The following PPEF2 variants were observed in gnomAD, a reference collection of about 807,000 sequenced individuals.
PPEF2 encodes the protein serine/threonine-protein phosphatase with EF-hands 2.
In PPEF2, 84 loss-of-function variants were observed where a neutral mutation model predicts 84.7. That is an observed-to-expected ratio of 0.99 (90% CI 0.83 to 1.19). PPEF2 has a LOEUF of 1.19. Ranked by LOEUF, PPEF2 falls within the 50% of genes most tolerant of loss-of-function variation. PPEF2 has a pLI of 0.00. For missense variants in PPEF2, 924 were observed against 937.5 expected (o/e 0.99, Z 0.19); for synonymous variants, 346 against 345.2 (o/e 1.00, Z -0.03).
At chr4:75,867,213 A>T in intron 14 of PPEF2, 100 bp downstream of exon 14, 1 of 797,746 alleles carries the variant, frequency 1.3e-6, no homozygotes, top group Non-Finnish European at 2.0e-6. Flanking sequence ...ACTTTGGGTC[A>T]CTCATTAAAG....
At chr4:75,893,157 C>T (rs1017745608) in intron 2 of PPEF2, among the ~76,000 whole-genome samples, 3 of 152,122 alleles carry the variant, frequency 2.0e-5, no homozygotes, top group African/African-American at 7.2e-5. Flanking sequence ...AAATAGTAAG[C>T]GATGAGGTTG....
intron 11 of PPEF2, among the ~76,000 whole-genome samples, chr4:75,875,956 G>A (rs770265216): frequency 1.3e-5 from 2 of 152,052 alleles, no homozygotes; most frequent in Non-Finnish European, 2.9e-5. Flanking sequence ...TAGCCCTTTT[G>A]GCCTTGAACT....
intron 15 of PPEF2, among the ~76,000 whole-genome samples, chr4:75,865,574 C>T (rs1000350173): frequency 3.3e-5 from 5 of 151,896 alleles, no homozygotes; most frequent in Non-Finnish European, 7.4e-5. Context: ...TTAGAAGAGA[C>T]GGGGTTTCAT....
intron 8 of PPEF2, 40 bp from the exon 9 acceptor site, chr4:75,883,242 G>A (rs754190746): frequency 1.9e-6 from 3 of 1,571,388 alleles, no homozygotes; most frequent in South Asian, 1.1e-5. Context: ...AGTAAACTGG[G>A]TGACAATAAT....
intron 16 of PPEF2, among the ~76,000 whole-genome samples, chr4:75,863,590 T>G (rs1407921344): frequency 6.6e-6 from 1 of 151,952 alleles, no homozygotes; most frequent in Non-Finnish European, 1.5e-5. Context: ...GTTGCATACT[T>G]CATACAGGTG....
At chr4:75,863,366 G>GA (rs1484852046) in intron 16 of PPEF2, among the ~76,000 whole-genome samples, 6 of 151,410 alleles carry the variant, frequency 4.0e-5, no homozygotes, top group Non-Finnish European at 8.8e-5. Context: ...CAGGTGTGGT[G>GA]GCACACGCCT....
intron 12 of PPEF2, 21 bp from the exon 13 acceptor site, chr4:75,872,188 G>A (rs764255505): frequency 2.5e-6 from 4 of 1,608,518 alleles, no homozygotes; most frequent in South Asian, 2.2e-5. Flanking sequence ...ACAGAAGAGA[G>A]ACAGGTGTTC....
intron 1 of PPEF2, among the ~76,000 whole-genome samples, chr4:75,897,680 C>T (rs939724984): frequency 6.6e-6 from 1 of 152,148 alleles, no homozygotes; most frequent in African/African-American, 2.4e-5. Flanking sequence ...GAGGCTGAGG[C>T]AGGAGAATGG....
chr4:75,879,172 C>G (rs182542250), intron 10 of PPEF2, among the ~76,000 whole-genome samples: 1 of 152,144 alleles, frequency 6.6e-6, no homozygotes. Context: ...ACTGGCACTG[C>G]TAGGGTCACC....
At position 75,876,446 on chromosome 4, in the gene PPEF2, G is replaced by A. The variant is rs1162250093; in HGVS notation, c.1161C>T (p.Ser387=). Residue 387 remains serine (S), a synonymous_variant, in exon 11 of 17, where the codon TCC becomes TCT. Transcript: ENST00000286719. Reference sequence around the variant, plus strand: ...GTTCCACGGAGCTCCGCACCTGCCGGGAGAGCTCCCGCCCGTCCAGGGAAC... The same window carrying A: ...GTTCCACGGAGCTCCGCACCTGCCGAGAGAGCTCCCGCCCGTCCAGGGAAC... ...CSGSLDGREL[S]RQVRSSVELE... 11 of 1,614,130 alleles carry A rather than the reference G, an allele frequency of 6.8e-6. No homozygotes were observed. Among genetic ancestry groups the A allele is most frequent in the Non-Finnish European group, 9.3e-6 (11 of 1,180,004 alleles).
At chr4:75,861,799 C>T (rs1304878274) in intron 16 of PPEF2, among the ~76,000 whole-genome samples, 1 of 140,254 alleles carries the variant, frequency 7.1e-6, no homozygotes, top group Non-Finnish European at 1.5e-5. Context: ...TTAGTAGAGA[C>T]GGGGTTTCAC....
At chr4:75,873,415 A>C (rs1724333666) in intron 11 of PPEF2, 103 bp from the exon 12 acceptor site, 6 of 1,090,580 alleles carry the variant, frequency 5.5e-6, no homozygotes, top group Non-Finnish European at 7.8e-6. Flanking sequence ...TTGAATAAAA[A>C]TAAGTGAATA....
At position 75,883,162 on chromosome 4, in the gene PPEF2, G is replaced by A. The variant is rs1037362559; in HGVS notation, c.783+4C>T. On this transcript the variant is annotated splice_donor_region_variant and intron_variant, in intron 9 of 16. Coordinates refer to ENST00000286719, the MANE Select transcript of PPEF2 (RefSeq NM_006239.3). Reference sequence around the variant, plus strand: ...AGAAACTTTTGTCTTTAAAGGCAGCGCACCTTGTATTTATTCATCACTTCC... The same window carrying A: ...AGAAACTTTTGTCTTTAAAGGCAGCACACCTTGTATTTATTCATCACTTCC... 38 of 1,613,512 alleles carry A rather than the reference G, an allele frequency of 2.4e-5. No homozygotes were observed. The highest frequency in any genetic ancestry group is 4.5e-5 in the East Asian group (2 of 44,874).
At position 75,877,387 on chromosome 4, in the gene PPEF2, A is replaced by AAAG. The variant is rs201500780; in HGVS notation, c.934-717_934-715dup. Among the ~76,000 whole-genome samples, 3 of 6,632 alleles carry AAAG rather than the reference A, an allele frequency of 4.5e-4. No individual in the cohort carries two copies. The Non-Finnish European group carries it at 0.38, about 829-fold the overall frequency. 4.4% of individuals were successfully genotyped at this position (6,632 alleles called of 152,430 possible). Reference sequence around the variant, plus strand: ...GAGAGAGAGAAAGAAAGAGAGAAAGAAAGAAGAGGAAGAAAAAGAAAGAAA... The same window carrying AAAG: ...GAGAGAGAGAAAGAAAGAGAGAAAGAAAGAAGAAGAGGAAGAAAAAGAAAGAAA... On this transcript the variant is annotated intron_variant, in intron 10 of 16. Transcript: ENST00000286719.
rs144838414 is a variant in PPEF2 at position 75,867,364 on chromosome 4, G to A, written c.1705C>T (p.His569Tyr). The A allele has an allele frequency of 5.6e-6, 9 of 1,613,912 alleles. No homozygotes were observed. The African/African-American group carries it at 9.3e-5, about 17-fold the overall frequency. Reference sequence around the variant, plus strand: ...AATTCACTGAGAAGATCTGAAGAATGAGCAAACAGCTTCTCCCTCAGAGCT... The same window carrying A: ...AATTCACTGAGAAGATCTGAAGAATAAGCAAACAGCTTCTCCCTCAGAGCT... ...LRALREKLFA[H>Y]SSDLLSEFKK... is the part of the protein sequence containing the mutation. Residue 569 changes from histidine to tyrosine, a missense_variant, in exon 14 of 17, where the codon CAT becomes TAT. Coordinates refer to ENST00000286719, the MANE Select transcript of PPEF2 (RefSeq NM_006239.3).
rs574012286 is a variant in PPEF2 at position 75,897,797 on chromosome 4, A to G, written c.-58-1414T>C. Reference sequence around the variant, plus strand: ...GCCTAAAACAACAACAACAACAACAAATCTTCCCCAAAAGCCTCGTCTGCC... The same window carrying G: ...GCCTAAAACAACAACAACAACAACAGATCTTCCCCAAAAGCCTCGTCTGCC... On this transcript the variant is annotated intron_variant, in intron 1 of 16. Transcript: ENST00000286719. Among the ~76,000 whole-genome samples the G allele has an allele frequency of 1.3e-3, 193 of 152,058 alleles. 1 individual carries two copies. The highest frequency in any genetic ancestry group is 4.5e-3 in the African/African-American group (187 of 41,452).
At chr4:75,883,296 A>C in intron 8 of PPEF2, 94 bp from the exon 9 acceptor site, 1 of 1,120,456 alleles carries the variant, frequency 8.9e-7, no homozygotes, top group Non-Finnish European at 1.3e-6. Context: ...TTCTGGGTAT[A>C]TGTACTTAAA....
In PPEF2 at chr4:75,876,671, T is replaced by C; in HGVS notation, c.936A>G (p.Ile312Met). Residue 312 changes from isoleucine (I) to methionine (M), a missense_variant and splice_region_variant, in exon 11 of 17, where the codon ATA becomes ATG. Coordinates refer to ENST00000286719, the MANE Select transcript of PPEF2 (RefSeq NM_006239.3). ...ELLDKIERSK[I>M]VSTMRCKTRQ... ...TCGTTTTGCACCTCATGGTGGAAACTATCTAAACACGTCCAGAAAGAGATA... is the reference window on the plus strand; with the variant it reads ...TCGTTTTGCACCTCATGGTGGAAACCATCTAAACACGTCCAGAAAGAGATA... 3 of 1,535,872 alleles carry C rather than the reference T, an allele frequency of 2.0e-6. No individual in the cohort carries two copies. Among genetic ancestry groups the C allele is most frequent in the Non-Finnish European group, 2.6e-6 (3 of 1,141,254 alleles).
rs752725642 is a variant in PPEF2 at position 75,876,701 on chromosome 4, T to C, written c.934-28A>G. On this transcript the variant is annotated intron_variant, in intron 10 of 16. Transcript: ENST00000286719. ...AAACACGTCCAGAAAGAGATACAGA[T>C]GCTGGAATGAAACTGTAGGCCCAGA... The C allele has an allele frequency of 4.4e-5, 66 of 1,512,402 alleles. No individual in the cohort carries two copies. In the African/African-American group the frequency reaches 8.5e-4, roughly 19 times the overall value. The allele number at this position is 1,512,402 out of a possible 1,614,324, so 93.7% of individuals were successfully genotyped here.
Sources: allele counts gnomAD v4.1 joint callset (sites outside exome capture counted in the v4.1 genomes callset), GRCh38; gene constraint gnomAD v4.1.1; transcripts MANE v1.5; gene names NCBI Gene and HGNC (gene_info 2026-07-23, HGNC 2026-07-21).